Variants in EDIL3 observed in about 807,000 individuals in gnomAD.
EDIL3 encodes EGF like and discoidin domains 3, also known as EGF-like repeat and discoidin I-like domain-containing protein 3.
Under a neutral mutation model 67.4 loss-of-function variants are expected in EDIL3, and 37 were observed. The observed-to-expected ratio is 0.55, with a 90% CI of 0.42 to 0.72. EDIL3 has a LOEUF of 0.72. Among genes scored for constraint, EDIL3 ranks in the 30% least tolerant of loss-of-function variants. The pLI is 0.00. For synonymous variants in EDIL3, 195 were observed against 196.3 expected (o/e 0.99, Z 0.05); for missense variants, 527 against 586.3 (o/e 0.90, Z 1.04).
In EDIL3 at chr5:84,228,349, A is replaced by G. The variant is rs1010856856; in HGVS notation, c.226+1506T>C. On this transcript the variant is annotated intron_variant, in intron 3 of 10. Coordinates refer to ENST00000296591, the MANE Select transcript of EDIL3 (RefSeq NM_005711.5). The stretch of plus-strand genomic sequence containing the variant: ...CTGTATAGAAAAAATACACCACAAT[A>G]GACAGACATACAGACAGAGTCTTTG... Among the ~76,000 whole-genome samples the G allele has an allele frequency of 5.6e-4, 85 of 152,142 alleles. 1 individual carries two copies. The highest frequency in any genetic ancestry group is 2.1e-4 in the Non-Finnish European group (14 of 68,012).
intron 2 of EDIL3, among the ~76,000 whole-genome samples, chr5:84,251,320 C>T (rs1745021021): frequency 6.6e-6 from 1 of 151,790 alleles, no homozygotes. Context: ...ACTATGTTGG[C>T]CAGGCTGGTC....
At position 84,213,673 on chromosome 5, in the gene EDIL3, T is replaced by C. The variant is rs558418849; in HGVS notation, c.226+16182A>G. Among the ~76,000 whole-genome samples the C allele has an allele frequency of 4.6e-5, 7 of 152,316 alleles. No homozygotes were observed. In the South Asian group the frequency reaches 1.4e-3, roughly 32 times the overall value. On this transcript the variant is annotated intron_variant, in intron 3 of 10. Transcript: ENST00000296591. ...AAAACAGGTGAGTAGATATGAAACA[T>C]ATCTAAATCTTGTTGAATTCTAGCA...
chr5:84,064,699 C>A lies in EDIL3; in HGVS notation c.952+1G>T. On this transcript the variant is annotated splice_donor_variant, in intron 8 of 10. Coordinates refer to ENST00000296591, the MANE Select transcript of EDIL3 (RefSeq NM_005711.5). LOFTEE classifies it high-confidence loss of function. ...ACAGAAATAGTTAATTTGAGACTTA[C>A]CCGACAGTTCACAGCCAAGAAGTTC... 1 of 1,610,544 alleles carries A rather than the reference C, an allele frequency of 6.2e-7. No individual in the cohort carries two copies.
intron 1 of EDIL3, among the ~76,000 whole-genome samples, chr5:84,357,957 C>T (rs185564646): frequency 2.0e-5 from 3 of 151,184 alleles, no homozygotes; most frequent in African/African-American, 7.3e-5. Context: ...ATACTCCAAC[C>T]ATTTCTTTCT....
In EDIL3 at chr5:84,183,194, G is replaced by A. The variant is rs569560335; in HGVS notation, c.227-2673C>T. On this transcript the variant is annotated intron_variant, in intron 3 of 10. Transcript: ENST00000296591. ...TTCGTCATTATCATTCTCTTTTACA[G>A]TTTTTTTTTAAATACTGAAGGTCAG... 4.6e-5 allele frequency among the ~76,000 whole-genome samples: 7 copies of A among 151,106 alleles called. 1 individual carries two copies. In the South Asian group the frequency reaches 8.4e-4, roughly 18 times the overall value.
At chr5:84,209,203 C>T (rs562733181) in intron 3 of EDIL3, among the ~76,000 whole-genome samples, 146 of 150,058 alleles carry the variant, frequency 9.7e-4, no homozygotes, top group African/African-American at 3.3e-3. Context: ...GGAAGGGGAA[C>T]ATCACACTCT....
chr5:83,967,933 T>C (rs1458453515), intron 9 of EDIL3, among the ~76,000 whole-genome samples: 1 of 152,142 alleles, frequency 6.6e-6, no homozygotes, highest in Non-Finnish European at 1.5e-5. Context: ...GAATTGTGTA[T>C]TTTATGACTT....
chr5:84,266,849 CTATT>C (rs1016856786), intron 1 of EDIL3, among the ~76,000 whole-genome samples: 1 of 152,058 alleles, frequency 6.6e-6, no homozygotes, highest in Non-Finnish European at 1.5e-5. Context: ...ATTTAGTAGC[CTATT>C]TGTTAGTATA....
intron 1 of EDIL3, among the ~76,000 whole-genome samples, chr5:84,312,233 G>A (rs1248977164): frequency 6.9e-6 from 1 of 144,154 alleles, no homozygotes; most frequent in African/African-American, 2.6e-5. Context: ...GGCCGGGTGG[G>A]GGGCTGACCC....
chr5:84,216,472 T>C (rs993609579), intron 3 of EDIL3, among the ~76,000 whole-genome samples: 3 of 152,040 alleles, frequency 2.0e-5, no homozygotes, highest in Non-Finnish European at 4.4e-5. Flanking sequence ...TGTTTATAAG[T>C]GAATAAAAAG....
chr5:84,382,560 G>A (rs1748104289), intron 1 of EDIL3, among the ~76,000 whole-genome samples: 1 of 152,160 alleles, frequency 6.6e-6, no homozygotes, highest in Admixed American at 6.5e-5. Flanking sequence ...TTCGTGTTTG[G>A]GGTGGAAACG....
In EDIL3 at chr5:84,180,425, G is replaced by A; in HGVS notation, c.323C>T (p.Pro108Leu). The A allele has an allele frequency of 6.2e-7, 1 of 1,603,768 alleles. No individual in the cohort carries two copies. Among genetic ancestry groups the A allele is most frequent in the Non-Finnish European group, 8.5e-7 (1 of 1,175,526 alleles). The stretch of plus-strand genomic sequence containing the variant: ...ACAGTGAATCCCATTAAATCCTCGG[G>A]GACATTTACAAACATAGCCTATGAA... Reference protein sequence around the residue: ...DTFIGYVCKCPRGFNGIHCQH... With the variant: ...DTFIGYVCKCLRGFNGIHCQH... The change falls in exon 4 of 11, where the codon CCC (proline) becomes CTC (leucine). Residue 108 changes from proline (P) to leucine (L), a missense_variant. Physicochemically the swap from Pro to Leu is moderately conservative, Grantham distance 98 (BLOSUM62 -3). Transcript: ENST00000296591.
intron 10 of EDIL3, among the ~76,000 whole-genome samples, chr5:83,955,378 A>T (rs1744496821): frequency 6.6e-6 from 1 of 151,272 alleles, no homozygotes; most frequent in East Asian, 2.0e-4. Flanking sequence ...ACTGCTATGT[A>T]ACATATTCCT....
chr5:84,384,409 G>C lies in EDIL3; in HGVS notation c.-35C>G. ...TCCCGGACGTGACCCCGGCTGGTCA[G>C]GGGTCGTCGCGGAGGGCAGTGTAGC... On this transcript the variant is annotated 5_prime_UTR_variant, in exon 1 of 11. Transcript: ENST00000296591. The C allele has an allele frequency of 6.2e-7, 1 of 1,611,646 alleles. No individual in the cohort carries two copies. Among genetic ancestry groups the C allele is most frequent in the Non-Finnish European group, 8.5e-7 (1 of 1,178,954 alleles).
At chr5:84,035,947 T>C (rs1322282940) in intron 9 of EDIL3, among the ~76,000 whole-genome samples, 1 of 152,236 alleles carries the variant, frequency 6.6e-6, no homozygotes. Context: ...AGGAAACTAT[T>C]CTTCTGTCTT....
rs1284115115 is a variant in EDIL3, at chr5:84,067,157, T to C, written c.652-551A>G. ...AAGTTTCTGGATCTTTACACTGTAG[T>C]CTGTGGAGCATTTTTTAAAAAAATT... On this transcript the variant is annotated intron_variant, in intron 6 of 10. Coordinates refer to ENST00000296591, the MANE Select transcript of EDIL3 (RefSeq NM_005711.5). Among the ~76,000 whole-genome samples the C allele has an allele frequency of 3.9e-5, 6 of 152,310 alleles. No homozygotes were observed. In the East Asian group the frequency reaches 1.2e-3, roughly 29 times the overall value.
chr5:84,307,075 A>C (rs1746287668), intron 1 of EDIL3, among the ~76,000 whole-genome samples: 1 of 152,240 alleles, frequency 6.6e-6, no homozygotes, highest in African/African-American at 2.4e-5. Context: ...ACTATCACAA[A>C]AGATATATGA....
chr5:84,095,819 G>A (rs899671308), intron 6 of EDIL3, among the ~76,000 whole-genome samples: 1 of 152,164 alleles, frequency 6.6e-6, no homozygotes, highest in African/African-American at 2.4e-5. Context: ...CAAGACAATG[G>A]GGGAATTGTC....
chr5:84,178,032 C>T (rs562195385), intron 4 of EDIL3, among the ~76,000 whole-genome samples: 9 of 152,244 alleles, frequency 5.9e-5, no homozygotes, highest in African/African-American at 2.2e-4. Flanking sequence ...AATGTTCACG[C>T]CATATTTGTA....
Sources: allele counts gnomAD v4.1 joint callset (sites outside exome capture counted in the v4.1 genomes callset), GRCh38; gene constraint gnomAD v4.1.1; transcripts MANE v1.5; gene names NCBI Gene and HGNC (gene_info 2026-07-23, HGNC 2026-07-21).